Variants in FANCA observed in about 807,000 individuals in gnomAD.
FANCA encodes the protein FA complementation group A.
Under a neutral mutation model 194.3 loss-of-function variants are expected in FANCA, and 236 were observed. That is an observed-to-expected ratio of 1.21 (90% CI 1.09 to 1.35). The LOEUF is 1.35. Among genes scored for constraint, FANCA ranks in the 40% most tolerant of loss-of-function variants. The pLI, the probability that FANCA is intolerant of heterozygous loss-of-function variation, is 0.00. For missense variants in FANCA, 2,628 were observed against 1,813.9 expected (o/e 1.45, Z -8.15); for synonymous variants, 1,014 against 715.8 (o/e 1.42, Z -6.65).
chr16:89,742,721 C>G (rs1020397964), intron 37 of FANCA, 79 bp downstream of exon 37: 2 of 1,322,398 alleles, frequency 1.5e-6, no homozygotes, highest in African/African-American at 1.5e-5. Flanking sequence ...AACAGTTCAT[C>G]AGACAAGCCC....
At position 89,784,846 on chromosome 16, in the gene FANCA, C is replaced by T. The variant is rs1356022316; in HGVS notation, c.1470+8G>A. On this transcript the variant is annotated splice_region_variant and intron_variant, in intron 15 of 42. Coordinates refer to ENST00000389301, the MANE Select transcript of FANCA (RefSeq NM_000135.4). ...CAGAAATCATGGATGTGGCAGCCAG[C>T]TTCTCACCTGCAGGTACCGGGGAGA... 6.2e-7 allele frequency: 1 copy of T among 1,603,450 alleles called. No individual in the cohort carries two copies. Among genetic ancestry groups the T allele is most frequent in the East Asian group, 2.2e-5 (1 of 44,830 alleles).
chr16:89,797,764 G>A (rs1213972036), intron 10 of FANCA, among the ~76,000 whole-genome samples: 1 of 151,972 alleles, frequency 6.6e-6, no homozygotes, highest in Non-Finnish European at 1.5e-5. Context: ...GTGTGGTGGT[G>A]CATGCCTGTA....
intron 36 of FANCA, among the ~76,000 whole-genome samples, chr16:89,744,099 T>G (rs750294364): frequency 6.6e-5 from 10 of 152,260 alleles, no homozygotes; most frequent in Admixed American, 3.9e-4. Flanking sequence ...TTTCACATGT[T>G]GGCCAGGCTG....
At chr16:89,780,025 G>T in intron 17 of FANCA, 68 bp from the exon 18 acceptor site, 1 of 1,366,960 alleles carries the variant, frequency 7.3e-7, no homozygotes, top group Non-Finnish European at 1.0e-6. Context: ...AGCAGTGAAG[G>T]CCACACTCAA....
chr16:89,759,318 T>TAAAAAAAAAAAAAAAAAAAAAAAAAA (rs71137673), intron 29 of FANCA, among the ~76,000 whole-genome samples: 4 of 75,202 alleles, frequency 5.3e-5, no homozygotes, highest in Admixed American at 1.6e-4. Flanking sequence ...AGACTCCGTC[T>TAAAAAAAAAAAAAAAAAAAAAAAAAA]AAAAAAAAAA....
At chr16:89,799,725 T>G (rs1290617141) in intron 8 of FANCA, 87 bp from the exon 9 acceptor site, 1 of 1,176,076 alleles carries the variant, frequency 8.5e-7, no homozygotes, top group East Asian at 2.4e-5. Context: ...TATTACTTGT[T>G]ACTCTAAAGT....
At chr16:89,798,532 T>G in intron 10 of FANCA, 2 of 1,106,854 alleles carry the variant, frequency 1.8e-6, no homozygotes, top group Non-Finnish European at 2.2e-6. Context: ...TCTCAAGACT[T>G]CACTTCAAGG....
intron 24 of FANCA, 102 bp downstream of exon 24, chr16:89,770,462 C>A (rs1265444246): frequency 2.5e-6 from 3 of 1,189,140 alleles, no homozygotes; most frequent in South Asian, 2.6e-5. Flanking sequence ...GCCGCATGCT[C>A]CTGCGGAGAC....
At chr16:89,783,391 A>C (rs1012335885) in intron 15 of FANCA, among the ~76,000 whole-genome samples, 1 of 152,012 alleles carries the variant, frequency 6.6e-6, no homozygotes, top group Non-Finnish European at 1.5e-5. Context: ...TCTACTAAAA[A>C]TACAAAAAAA....
Position 89,814,622 on chromosome 16 carries a change from C to T in FANCA, c.190-9G>A. 1 of 1,595,440 alleles carries T rather than the reference C, an allele frequency of 6.3e-7. No homozygotes were observed. The highest frequency in any genetic ancestry group is 8.6e-7 in the Non-Finnish European group (1 of 1,163,226). ...CACAGTGGACCTTCTACCTAGAATC[C>T]AAAACACAACAAACTCCATTTAAAA... On this transcript the variant is annotated splice_polypyrimidine_tract_variant and intron_variant, in intron 2 of 42. Coordinates refer to ENST00000389301, the MANE Select transcript of FANCA (RefSeq NM_000135.4).
chr16:89,808,460 A>G, intron 5 of FANCA, 93 bp from the exon 6 acceptor site: 2 of 1,314,504 alleles, frequency 1.5e-6, no homozygotes, highest in South Asian at 1.2e-5. Context: ...AAAATGTTCA[A>G]CTTAGGTTCT....
At chr16:89,747,192 C>T (rs899111730) in intron 33 of FANCA, among the ~76,000 whole-genome samples, 4 of 152,186 alleles carry the variant, frequency 2.6e-5, no homozygotes, top group East Asian at 3.8e-4. Flanking sequence ...GCACCCGGAG[C>T]GTAGAACTGT....
intron 8 of FANCA, among the ~76,000 whole-genome samples, chr16:89,802,266 A>ATT (rs71391244): frequency 4.3e-4 from 58 of 136,242 alleles, no homozygotes; most frequent in South Asian, 2.6e-3. Context: ...ACGCCCGGCT[A>ATT]TTTTTTTTTT....
In FANCA at chr16:89,814,620, T is replaced by C. The variant is rs994179410; in HGVS notation, c.190-7A>G. On this transcript the variant is annotated splice_polypyrimidine_tract_variant and splice_region_variant and intron_variant, in intron 2 of 42. Transcript: ENST00000389301. ...TACACAGTGGACCTTCTACCTAGAA[T>C]CCAAAACACAACAAACTCCATTTAA... 1 of 1,604,944 alleles carries C rather than the reference T, an allele frequency of 6.2e-7. No homozygotes were observed. Among genetic ancestry groups the C allele is most frequent in the Non-Finnish European group, 8.5e-7 (1 of 1,171,858 alleles).
chr16:89,767,674 G>T (rs923474793), intron 26 of FANCA, among the ~76,000 whole-genome samples: 1 of 152,110 alleles, frequency 6.6e-6, no homozygotes, highest in Non-Finnish European at 1.5e-5. Flanking sequence ...TCAGTCTCCC[G>T]AGTAGCTGGG....
chr16:89,755,876 G>C (rs972987582), intron 30 of FANCA, among the ~76,000 whole-genome samples: 3 of 150,192 alleles, frequency 2.0e-5, no homozygotes, highest in African/African-American at 4.9e-5. Context: ...CACAGACACA[G>C]ACCGGAGCCG....
intron 22 of FANCA, among the ~76,000 whole-genome samples, chr16:89,772,351 A>G (rs2039355081): frequency 1.3e-5 from 2 of 152,210 alleles, no homozygotes; most frequent in African/African-American, 4.8e-5. Flanking sequence ...GCACTCAGGA[A>G]CTGGCGCACT....
rs11649510 is a variant in FANCA, at chr16:89,784,596, A to G, written c.1470+258T>C. Among the ~76,000 whole-genome samples the G allele has an allele frequency of 0.059, 9,013 of 152,148 alleles. 409 individuals are homozygous for G. The highest frequency in any genetic ancestry group is 0.22 in the East Asian group (1,131 of 5,158). ...ATATATCTACCCACCTCCTTGGCCT[A>G]GGTGAGAAAAGGGTTTCTTAGCAGT... On this transcript the variant is annotated intron_variant, in intron 15 of 42. Transcript: ENST00000389301.
Position 89,792,033 on chromosome 16 carries a change from GCCAA to G in FANCA, c.1115_1118del (p.Val372AlafsTer42), listed in dbSNP as rs397507552. The G allele has an allele frequency of 1.2e-4, 187 of 1,614,030 alleles. No individual in the cohort carries two copies. The highest frequency in any genetic ancestry group is 1.5e-4 in the Non-Finnish European group (180 of 1,180,022). On this transcript the variant is annotated frameshift_variant, in exon 13 of 43. Coordinates refer to ENST00000389301, the MANE Select transcript of FANCA (RefSeq NM_000135.4). LOFTEE classifies it high-confidence loss of function. ...GCGTTTCCAGAACTTCTTGCAAATG[GCCAA>G]CCAACTCCTCTGCACTCAGCATCAC...
Sources: allele counts gnomAD v4.1 joint callset (sites outside exome capture counted in the v4.1 genomes callset), GRCh38; gene constraint gnomAD v4.1.1; transcripts MANE v1.5; gene names NCBI Gene and HGNC (gene_info 2026-07-23, HGNC 2026-07-21).